The following TNRC6A variants were observed in gnomAD, a reference collection of about 807,000 sequenced individuals.
TNRC6A encodes the protein trinucleotide repeat-containing gene 6A protein.
In TNRC6A, 44 loss-of-function variants were observed where a neutral mutation model predicts 221.2. That is an observed-to-expected ratio of 0.20 (90% confidence interval 0.16 to 0.26). The LOEUF (loss-of-function observed/expected upper bound fraction) is 0.26. TNRC6A is among the 10% of genes least tolerant of loss of function. The pLI is 1.00. For synonymous variants in TNRC6A, 847 were observed against 838.5 expected, an observed-to-expected ratio of 1.01 and a Z score of -0.18; for missense variants, 2,199 against 2,404.4, an observed-to-expected ratio of 0.91 and a Z score of 1.79.
At chr16:24,813,218 A>T (rs2058585792) in intron 18 of TNRC6A, among the ~76,000 whole-genome samples, 1 of 152,050 alleles carries the variant, frequency 6.6e-6, no homozygotes, top group Non-Finnish European at 1.5e-5. Flanking sequence ...TCATGTTTTT[A>T]TACAGGTATA....
At chr16:24,620,623 T>C (rs1464961668) in intron 1 of TNRC6A, among the ~76,000 whole-genome samples, 1 of 151,788 alleles carries the variant, frequency 6.6e-6, no homozygotes, top group East Asian at 1.9e-4. Context: ...GCTTGACCAA[T>C]ATAATGAAAC....
intron 2 of TNRC6A, among the ~76,000 whole-genome samples, chr16:24,749,495 G>T (rs1277502721): frequency 6.6e-6 from 1 of 152,162 alleles, no homozygotes; most frequent in Admixed American, 6.5e-5. Flanking sequence ...GATGGGAAGT[G>T]GGTGGGGTTG....
At chr16:24,643,053 T>C (rs1902036392) in intron 2 of TNRC6A, among the ~76,000 whole-genome samples, 1 of 140,648 alleles carries the variant, frequency 7.1e-6, no homozygotes, top group South Asian at 2.2e-4. Context: ...CTTTAATATA[T>C]ATATAACATA....
chr16:24,748,319 C>T (rs767127575), intron 2 of TNRC6A, among the ~76,000 whole-genome samples: 21 of 152,200 alleles, frequency 1.4e-4, no homozygotes, highest in Non-Finnish European at 2.9e-4. Context: ...ACCTAGTTGC[C>T]GTTGTTTACT....
upstream of TNRC6A, among the ~76,000 whole-genome samples, chr16:24,725,806 C>A (rs1050436905): frequency 2.0e-5 from 3 of 151,912 alleles, no homozygotes; most frequent in African/African-American, 7.3e-5. Flanking sequence ...TCGAGACCAG[C>A]CTGGCCAACA....
Position 24,676,193 on chromosome 16 carries a change from C to T in TNRC6A, n.402+35184C>T, listed in dbSNP as rs74013298. ...CTCAATCACTCCTCAACCTTCTCCC[C>T]TGCCCACTCCCTGCTTCTAAAATTC... On this transcript the variant is annotated intron_variant and non_coding_transcript_variant, in intron 2 of 2. Coordinates refer to the TNRC6A transcript ENST00000566108. Among the ~76,000 whole-genome samples the T allele has an allele frequency of 5.1e-3, 781 of 152,276 alleles. 10 individuals carry two copies. Among genetic ancestry groups the T allele is most frequent in the African/African-American group, 0.017 (687 of 41,562 alleles).
At position 24,666,658 on chromosome 16, in the gene TNRC6A, A is replaced by T. The variant is rs1449261488; in HGVS notation, n.402+25649A>T. ...CTTAGAGAAAAAAAAAAAAAAAAAA[A>T]AAAAAAAAAAATATATATATATATA... On this transcript the variant is annotated intron_variant and non_coding_transcript_variant, in intron 2 of 2. Transcript: ENST00000566108. Among the ~76,000 whole-genome samples, 315 of 123,036 alleles carry T rather than the reference A, an allele frequency of 2.6e-3. 2 individuals are homozygous for T. The highest frequency in any genetic ancestry group is 0.01 in the African/African-American group (288 of 28,500). The allele number at this position is 123,036 out of a possible 152,430, so 80.7% of individuals were successfully genotyped here. A position where few individuals can be genotyped will look rare whatever the true frequency, so the allele number is the denominator to read the frequency against.
intron 18 of TNRC6A, among the ~76,000 whole-genome samples, chr16:24,809,996 A>G (rs1242411551): frequency 6.6e-6 from 1 of 152,176 alleles, no homozygotes; most frequent in Non-Finnish European, 1.5e-5. Context: ...TATTTTTAGT[A>G]GAGACAGGGT....
intron 17 of TNRC6A, among the ~76,000 whole-genome samples, chr16:24,807,107 G>A (rs1217992718): frequency 6.6e-6 from 1 of 151,772 alleles, no homozygotes; most frequent in Non-Finnish European, 1.5e-5. Flanking sequence ...CCGGGTTCAA[G>A]CGATTCTCGC....
Position 24,729,718 on chromosome 16 carries a change from CA to C in TNRC6A, c.-123del. The C allele has an allele frequency of 1.8e-6, 2 of 1,136,770 alleles. No homozygotes were observed. Among genetic ancestry groups the C allele is most frequent in the Non-Finnish European group, 2.3e-6 (2 of 886,482 alleles). The allele number at this position is 1,136,770 out of a possible 1,614,324, so 70.4% of individuals were successfully genotyped here. On this transcript the variant is annotated 5_prime_UTR_variant, in exon 1 of 25. Coordinates refer to ENST00000395799, the MANE Select transcript of TNRC6A (RefSeq NM_014494.4). ...GCGGCGGCGGCGGCGGCGGCGGCGGCAGCGGGTCGGTGTAGAAAATGGCGCT... is the reference window on the plus strand; with the variant it reads ...GCGGCGGCGGCGGCGGCGGCGGCGGCGCGGGTCGGTGTAGAAAATGGCGCT...
Position 24,729,675 on chromosome 16 carries a change from G to GCGGCGGTGTCGGCGGTGT in TNRC6A, c.-152_-151insTGTCGGCGGTGTCGGCGG. ...CACTTCCGGTCTGGGGCCTGCGGCG[G>GCGGCGGTGTCGGCGGTGT]CGGCGGTGTCGGCGGCGGCGGCGGC... On this transcript the variant is annotated 5_prime_UTR_variant, in exon 1 of 25. Transcript: ENST00000395799. 2.9e-6 allele frequency: 2 copies of GCGGCGGTGTCGGCGGTGT among 696,986 alleles called. No homozygotes were observed. The highest frequency in any genetic ancestry group is 3.9e-6 in the Non-Finnish European group (2 of 507,462). 43.2% of individuals were successfully genotyped at this position (696,986 alleles called of 1,614,324 possible).
chr16:24,770,355 GA>G (rs2057565004), intron 4 of TNRC6A, among the ~76,000 whole-genome samples: 1 of 152,154 alleles, frequency 6.6e-6, no homozygotes, highest in Non-Finnish European at 1.5e-5. Context: ...GCAGGTAGAT[GA>G]TAGATTTCGG....
At chr16:24,725,375 G>A (rs1240206450), upstream of TNRC6A, among the ~76,000 whole-genome samples, 1 of 152,048 alleles carries the variant, frequency 6.6e-6, no homozygotes, top group Non-Finnish European at 1.5e-5. Flanking sequence ...GTTTTGCCAT[G>A]TTGCCCAGGC....
intron 20 of TNRC6A, among the ~76,000 whole-genome samples, chr16:24,817,653 T>C (rs947226702): frequency 6.6e-5 from 10 of 152,206 alleles, no homozygotes; most frequent in Non-Finnish European, 1.5e-4. Flanking sequence ...ACGAAATTAA[T>C]TTTTTAAATA....
chr16:24,696,241 G>A (rs975095418), intron 2 of TNRC6A, among the ~76,000 whole-genome samples: 6 of 151,446 alleles, frequency 4.0e-5, no homozygotes, highest in Non-Finnish European at 5.9e-5. Flanking sequence ...CCAGCTACTC[G>A]GGAGGCTGAG....
intron 5 of TNRC6A, chr16:24,778,285 C>T (rs765563608): frequency 4.1e-6 from 4 of 985,144 alleles, no homozygotes; most frequent in Non-Finnish European, 4.8e-6. Context: ...TATACCTGTG[C>T]TCTCTTTTAT....
At chr16:24,614,310 G>A (rs60090016) in intron 1 of TNRC6A, among the ~76,000 whole-genome samples, 11,401 of 152,260 alleles carry the variant, frequency 0.075, 556 homozygotes, top group South Asian at 0.16. Flanking sequence ...ACGTAGTCAA[G>A]CCCAGAGTTA....
At chr16:24,709,824 C>CAAAAAAAAAA (rs60844823) in intron 2 of TNRC6A, among the ~76,000 whole-genome samples, 4 of 103,730 alleles carry the variant, frequency 3.9e-5, no homozygotes, top group South Asian at 2.9e-4. Context: ...GACCCTGTCT[C>CAAAAAAAAAA]AAAAAAAAAA....
In TNRC6A at chr16:24,794,636, A is replaced by T. The variant is rs994893045; in HGVS notation, c.3445A>T (p.Ile1149Phe). Residue 1149 changes from isoleucine to phenylalanine, a missense_variant, in exon 8 of 25, where the codon ATT becomes TTT. Ile to Phe is a conservative substitution (Grantham distance 21). This residue lies in a region of TNRC6A where 1,405 missense variants were observed against 1,400.2 expected (regional missense o/e 1.00). Transcript: ENST00000395799. ...TGWEEEEDVE[I>F]GMWNSNSSQE... Reference sequence around the variant, plus strand: ...CTGGGAAGAGGAAGAGGATGTGGAGATTGGAATGTGGAATAGTAATTCATC... The same window carrying T: ...CTGGGAAGAGGAAGAGGATGTGGAGTTTGGAATGTGGAATAGTAATTCATC... 3.1e-6 allele frequency: 5 copies of T among 1,613,816 alleles called. No individual in the cohort carries two copies. Among genetic ancestry groups the T allele is most frequent in the East Asian group, 2.2e-5 (1 of 44,882 alleles).
Sources: allele counts gnomAD v4.1 joint callset (sites outside exome capture counted in the v4.1 genomes callset), GRCh38; gene constraint gnomAD v4.1.1; regional missense constraint gnomAD v4.1.1; transcripts MANE v1.5; gene names NCBI Gene and HGNC (gene_info 2026-07-23, HGNC 2026-07-21).